The following CD274 variants were observed in gnomAD, a reference collection of about 807,000 sequenced individuals.
CD274 encodes programmed cell death 1 ligand 1.
CD274 carries 8 observed loss-of-function variants against 30.1 expected under a neutral mutation model. The observed-to-expected ratio is 0.27, with a 90% CI of 0.16 to 0.48. The LOEUF is 0.48. Among genes scored for constraint, CD274 ranks in the 20% least tolerant of loss-of-function variants. The pLI is 0.99. For synonymous variants in CD274, 152 were observed against 124.6 expected (o/e 1.22, Z -1.46); for missense variants, 353 against 346.6 (o/e 1.02, Z -0.15).
chr9:5,455,985 A>G, intron 1 of CD274, 115 bp from the exon 2 acceptor site: 2 of 679,062 alleles, frequency 2.9e-6, no homozygotes, highest in African/African-American at 1.9e-5. Flanking sequence ...TTACAAGTCA[A>G]TCATGACTGG....
intron 3 of CD274, among the ~76,000 whole-genome samples, chr9:5,459,344 G>A (rs1003497316): frequency 6.6e-6 from 1 of 152,206 alleles, no homozygotes; most frequent in Non-Finnish European, 1.5e-5. Flanking sequence ...CCAAAAGTCT[G>A]AACCTTCTGC....
intron 6 of CD274, among the ~76,000 whole-genome samples, chr9:5,467,443 A>T (rs1026481729): frequency 5.9e-5 from 9 of 152,222 alleles, no homozygotes; most frequent in Non-Finnish European, 1.3e-4. Context: ...AGGTTATTGA[A>T]CTAAGAAGAA....
At chr9:5,457,443 G>A (rs764258724) in intron 3 of CD274, 23 bp downstream of exon 3, 1 of 1,565,278 alleles carries the variant, frequency 6.4e-7, no homozygotes, top group Non-Finnish European at 8.8e-7. Context: ...ATAGATGAGA[G>A]GCCTGATCTT....
At position 5,468,815 on chromosome 9, in the gene CD274, A is replaced by G. The variant is rs1047175251; in HGVS notation, c.*953A>G. ...TCAGACTGCCACCCACTGTCCTTTT[A>G]TAATACAATTTACAGCTATATTTTA... On this transcript the variant is annotated 3_prime_UTR_variant, in exon 7 of 7. Coordinates refer to ENST00000381577, the MANE Select transcript of CD274 (RefSeq NM_014143.4). 2 of 232,954 alleles carry G rather than the reference A, an allele frequency of 8.6e-6. No homozygotes were observed. The highest frequency in any genetic ancestry group is 1.7e-5 in the Non-Finnish European group (2 of 117,910). The allele number at this position is 232,954 out of a possible 1,614,324, so 14.4% of individuals were successfully genotyped here.
At chr9:5,451,459 A>C (rs1819201381) in intron 1 of CD274, among the ~76,000 whole-genome samples, 1 of 152,234 alleles carries the variant, frequency 6.6e-6, no homozygotes, top group African/African-American at 2.4e-5. Flanking sequence ...AAGTAAACTT[A>C]GAAGTGTAAC....
Position 5,466,833 on chromosome 9 carries a change from A to T in CD274, c.850+4A>T. On this transcript the variant is annotated splice_donor_region_variant and intron_variant, in intron 6 of 6. Transcript: ENST00000381577. Reference sequence around the variant, plus strand: ...ACAAACTCAAAGAAGCAAAGTGGTAAGAATATCAGAAGGAATTGGGAAGTA... The same window carrying T: ...ACAAACTCAAAGAAGCAAAGTGGTATGAATATCAGAAGGAATTGGGAAGTA... 1 of 1,604,854 alleles carries T rather than the reference A, an allele frequency of 6.2e-7. No homozygotes were observed. The highest frequency in any genetic ancestry group is 8.5e-7 in the Non-Finnish European group (1 of 1,173,376).
chr9:5,462,724 C>A, intron 3 of CD274, 110 bp from the exon 4 acceptor site: 1 of 965,998 alleles, frequency 1.0e-6, no homozygotes, highest in Non-Finnish European at 1.6e-6. Context: ...TAAGCATATC[C>A]CTCTGAGAAC....
Position 5,452,923 on chromosome 9 carries a change from C to T in CD274, c.-15+2327C>T, listed in dbSNP as rs188773631. Among the ~76,000 whole-genome samples, 274 of 150,436 alleles carry T rather than the reference C, an allele frequency of 1.8e-3. 1 individual carries two copies. Among genetic ancestry groups the T allele is most frequent in the African/African-American group, 6.1e-3 (252 of 41,180 alleles). On this transcript the variant is annotated intron_variant, in intron 1 of 6. Transcript: ENST00000381577. ...TAGGGGTATTTTAAGTTTTCTTCTG[C>T]CTAGTAAGTGAATTTGTGTTTATAA...
In CD274 at chr9:5,467,887, C is replaced by T. The variant is rs766808550; in HGVS notation, c.*25C>T. 1.3e-6 allele frequency: 2 copies of T among 1,599,764 alleles called. No individual in the cohort carries two copies. The highest frequency in any genetic ancestry group is 1.7e-6 in the Non-Finnish European group (2 of 1,166,916). ...ATCCAGCATTGGAACTTCTGATCTT[C>T]AAGCAGGGATTCTCAACCTGTGGTT... On this transcript the variant is annotated 3_prime_UTR_variant, in exon 7 of 7. Coordinates refer to ENST00000381577, the MANE Select transcript of CD274 (RefSeq NM_014143.4).
At chr9:5,460,622 C>G (rs1819386541) in intron 3 of CD274, among the ~76,000 whole-genome samples, 2 of 152,272 alleles carry the variant, frequency 1.3e-5, no homozygotes, top group Non-Finnish European at 1.5e-5. Flanking sequence ...TAGTTCTAAA[C>G]CCAAGCAGAT....
chr9:5,465,109 A>C lies in CD274; in HGVS notation c.683-390A>C, dbSNP rs143606789. Among the ~76,000 whole-genome samples the C allele has an allele frequency of 1.6e-4, 24 of 150,962 alleles. 1 individual carries two copies. The East Asian group carries it at 4.3e-3, about 27-fold the overall frequency. ...CTCAAAAAAAAAAAAAAAAAGCAAG[A>C]GGAAGTGAAATAATCAAGGCCGCCA... is the stretch of plus-strand genomic sequence containing the variant. On this transcript the variant is annotated intron_variant, in intron 4 of 6. Transcript: ENST00000381577.
chr9:5,451,582 A>C (rs560754455), intron 1 of CD274, among the ~76,000 whole-genome samples: 1 of 152,346 alleles, frequency 6.6e-6, no homozygotes, highest in East Asian at 1.9e-4. Flanking sequence ...TTTAAGGAGA[A>C]CTATGATACT....
At chr9:5,467,009 G>A (rs1819508024) in intron 6 of CD274, among the ~76,000 whole-genome samples, 180 bp downstream of exon 6, 1 of 152,072 alleles carries the variant, frequency 6.6e-6, no homozygotes, top group African/African-American at 2.4e-5. Flanking sequence ...AGCAGGGAAG[G>A]GGAAGGAGTC....
chr9:5,467,692 G>T, intron 6 of CD274, 148 bp from the exon 7 acceptor site: 1 of 749,704 alleles, frequency 1.3e-6, no homozygotes, highest in African/African-American at 1.8e-5. Flanking sequence ...AAGGATAATT[G>T]GGTACAAATA....
intron 3 of CD274, among the ~76,000 whole-genome samples, chr9:5,458,823 CT>C (rs1289016062): frequency 6.6e-6 from 1 of 152,098 alleles, no homozygotes; most frequent in Non-Finnish European, 1.5e-5. Context: ...GTGGTTTATA[CT>C]TTCAGTTTTT....
intron 1 of CD274, among the ~76,000 whole-genome samples, chr9:5,455,134 A>G (rs1819277827): frequency 6.7e-6 from 1 of 149,208 alleles, no homozygotes; most frequent in South Asian, 2.1e-4. Context: ...ACTAAGAGGG[A>G]AAACTTACCT....
intron 3 of CD274, among the ~76,000 whole-genome samples, chr9:5,459,335 C>T (rs1320956875): frequency 2.0e-5 from 3 of 152,158 alleles, no homozygotes; most frequent in Non-Finnish European, 4.4e-5. Context: ...TCAGCTATAC[C>T]AAAAGTCTGA....
chr9:5,457,755 G>A (rs1697362789), intron 3 of CD274, among the ~76,000 whole-genome samples: 1 of 152,166 alleles, frequency 6.6e-6, no homozygotes, highest in Non-Finnish European at 1.5e-5. Context: ...CAAATGAATT[G>A]CAAAAGTGTC....
chr9:5,456,250 A>G, intron 2 of CD274, 85 bp downstream of exon 2: 1 of 855,774 alleles, frequency 1.2e-6, no homozygotes, highest in Admixed American at 2.2e-5. Flanking sequence ...TTTAAAATGC[A>G]TGCAATTTTC....
Sources: allele counts gnomAD v4.1 joint callset (sites outside exome capture counted in the v4.1 genomes callset), GRCh38; gene constraint gnomAD v4.1.1; transcripts MANE v1.5; gene names NCBI Gene and HGNC (gene_info 2026-07-23, HGNC 2026-07-21).